The following TF variants were observed in gnomAD, a reference collection of about 807,000 sequenced individuals.
The protein encoded by TF is transferrin.
A neutral mutation model predicts 82.4 loss-of-function variants in TF; 55 were observed. The ratio of observed to expected loss-of-function variants is 0.67; its 90% confidence interval spans 0.54 to 0.84. TF has a LOEUF of 0.84. TF is among the 40% of genes least tolerant of loss of function. The pLI is 0.00. For missense variants in TF, 737 were observed against 868.4 expected, an observed-to-expected ratio of 0.85 and a Z score of 1.90; for synonymous variants, 332 against 332.6, an observed-to-expected ratio of 1.00 and a Z score of 0.02.
At chr3:133,694,867 TTTATTTATTTATTTATTTA>T in the TF span, among the ~76,000 whole-genome samples, 3 of 114,518 alleles carry the variant, frequency 2.6e-5, no homozygotes, top group South Asian at 3.0e-4. Context: ...TATTTATTTA[TTTATTTATTTATTTATTTA>T]TTATTATTAT....
At chr3:133,712,264 C>G in the TF span, among the ~76,000 whole-genome samples, 4 of 152,202 alleles carry the variant, frequency 2.6e-5, no homozygotes, top group African/African-American at 9.6e-5. Flanking sequence ...CCTCTCTAGA[C>G]TCTTCCTGGA....
At chr3:133,695,398 C>T in the TF span, among the ~76,000 whole-genome samples, 5 of 152,104 alleles carry the variant, frequency 3.3e-5, no homozygotes, top group Middle Eastern at 3.2e-3. Flanking sequence ...CAGGCACATG[C>T]CACTACACCC....
chr3:133,785,062 G>T lies in TF; in HGVS notation c.*6442G>T, dbSNP rs1288186858. 8.5e-6 allele frequency: 1 copy of T among 117,514 alleles called. No homozygotes were observed. The highest frequency in any genetic ancestry group is 1.8e-5 in the Non-Finnish European group (1 of 54,296). The allele number at this position is 117,514 out of a possible 1,614,324, so 7.3% of individuals were successfully genotyped here. On this transcript the variant is annotated 3_prime_UTR_variant, in exon 17 of 17. Coordinates refer to ENST00000402696, the MANE Select transcript of TF (RefSeq NM_001063.4). ...AGGTGAGGGGCGCCTCTGCCCGGCC[G>T]CCCCTACTGGGAAGTGAGGAGCCCC...
In TF at chr3:133,783,458, C is replaced by T. The variant is rs931954939; in HGVS notation, c.*4838C>T. 2.0e-5 allele frequency: 3 copies of T among 151,906 alleles called. No individual in the cohort carries two copies. The highest frequency in any genetic ancestry group is 2.9e-5 in the Non-Finnish European group (2 of 67,994). The allele number at this position is 151,906 out of a possible 1,614,324, so 9.4% of individuals were successfully genotyped here. ...CCGGTTAAAGTAAAAACTTTCGAAA[C>T]GTATAAAGGTTTAAATATAAAATTA... On this transcript the variant is annotated 3_prime_UTR_variant, in exon 17 of 17. Transcript: ENST00000402696.
At chr3:133,716,477 C>T in the TF span, among the ~76,000 whole-genome samples, 4 of 152,174 alleles carry the variant, frequency 2.6e-5, no homozygotes, top group Non-Finnish European at 5.9e-5. Flanking sequence ...TTCTCTCTCA[C>T]CCCATATCTC....
chr3:133,731,650 T>A, the TF span, among the ~76,000 whole-genome samples: 4 of 152,234 alleles, frequency 2.6e-5, no homozygotes, highest in African/African-American at 9.7e-5. Context: ...GTCATCACCA[T>A]CTATTGGTGT....
the TF span, among the ~76,000 whole-genome samples, chr3:133,731,905 G>A: frequency 1.3e-5 from 2 of 152,190 alleles, no homozygotes; most frequent in Admixed American, 6.5e-5. Context: ...CTCAGTGAAT[G>A]AATGGACAGG....
chr3:133,723,065 GT>G, the TF span, among the ~76,000 whole-genome samples: 1 of 151,176 alleles, frequency 6.6e-6, no homozygotes, highest in African/African-American at 2.4e-5. Context: ...TTGGTTGACA[GT>G]TTTTTTTTCC....
chr3:133,756,698 G>A (rs1227170049), intron 6 of TF, 133 bp from the exon 7 acceptor site: 25 of 1,129,650 alleles, frequency 2.2e-5, no homozygotes, highest in East Asian at 1.4e-4. Context: ...TCATTCTCCC[G>A]CATGTTCTCT....
intron 1 of TF, 85 bp from the exon 2 acceptor site, chr3:133,748,327 G>A (rs2107907260): frequency 6.5e-7 from 1 of 1,535,270 alleles, no homozygotes; most frequent in East Asian, 2.3e-5. Flanking sequence ...GAGGGGATGT[G>A]GCTGTCAAGG....
rs1933919122 is a variant in TF at position 133,759,232 on chromosome 3, A to G, written c.1106A>G (p.His369Arg). The G allele has an allele frequency of 6.2e-7, 1 of 1,614,116 alleles. No homozygotes were observed. Among genetic ancestry groups the G allele is most frequent in the East Asian group, 2.2e-5 (1 of 44,880 alleles). The stretch of plus-strand genomic sequence containing the variant: ...GTGAAGTGGTGTGCGCTGAGCCACC[A>G]CGAGAGGCTCAAGTGTGATGAGTGG... ...KPVKWCALSH[H>R]ERLKCDEWSV... The change falls in exon 9 of 17, where the codon CAC becomes CGC. Residue 369 changes from histidine (H) to arginine (R), a missense_variant. His to Arg is a conservative substitution (Grantham distance 29). Coordinates refer to ENST00000402696, the MANE Select transcript of TF (RefSeq NM_001063.4).
chr3:133,697,439 G>T, the TF span, among the ~76,000 whole-genome samples: 1 of 152,224 alleles, frequency 6.6e-6, no homozygotes, highest in African/African-American at 2.4e-5. Flanking sequence ...CACACTTAAT[G>T]ATAGTGGCAG....
At chr3:133,683,825 T>G in the TF span, among the ~76,000 whole-genome samples, 2 of 152,158 alleles carry the variant, frequency 1.3e-5, no homozygotes, top group African/African-American at 2.4e-5. Flanking sequence ...TATCCAGGAC[T>G]TGAACTCAGC....
At chr3:133,775,110 G>A in intron 14 of TF, 1 of 399,482 alleles carries the variant, frequency 2.5e-6, no homozygotes, top group Non-Finnish European at 4.7e-6. Flanking sequence ...CTCTGTTGGA[G>A]CAAGAGGTAC....
At chr3:133,732,605 C>T in the TF span, among the ~76,000 whole-genome samples, 6 of 152,306 alleles carry the variant, frequency 3.9e-5, no homozygotes, top group East Asian at 9.6e-4. Flanking sequence ...GTCCACACTA[C>T]CTTTATGAGC....
chr3:133,778,741 T>A lies in TF; in HGVS notation c.*121T>A. On this transcript the variant is annotated 3_prime_UTR_variant, in exon 17 of 17. Transcript: ENST00000402696. Reference sequence around the variant, plus strand: ...CCACGTCTGTCTTCACAGCTCTGTGTTGCCATGTGTGCTGAACAAAAAATA... The same window carrying A: ...CCACGTCTGTCTTCACAGCTCTGTGATGCCATGTGTGCTGAACAAAAAATA... 1.1e-6 allele frequency: 1 copy of A among 941,012 alleles called. No individual in the cohort carries two copies. Among genetic ancestry groups the A allele is most frequent in the Non-Finnish European group, 1.7e-6 (1 of 593,166 alleles). The allele number at this position is 941,012 out of a possible 1,614,324, so 58.3% of individuals were successfully genotyped here.
chr3:133,783,735 G>C lies in TF; in HGVS notation c.*5115G>C, dbSNP rs1332145867. The C allele has an allele frequency of 6.6e-6, 1 of 152,240 alleles. No homozygotes were observed. Among genetic ancestry groups the C allele is most frequent in the Non-Finnish European group, 1.5e-5 (1 of 68,048 alleles). The allele number at this position is 152,240 out of a possible 1,614,324, so 9.4% of individuals were successfully genotyped here. On this transcript the variant is annotated 3_prime_UTR_variant, in exon 17 of 17. Transcript: ENST00000402696. ...GATGTGAGCGCGGACAGCTCTGCTG[G>C]GCCCTCCAGGCCCTCCGCCCGGTAG... is the stretch of plus-strand genomic sequence containing the variant.
intron 14 of TF, chr3:133,774,258 A>C (rs1934330230): frequency 6.6e-6 from 1 of 152,208 alleles, no homozygotes; most frequent in African/African-American, 2.4e-5. Flanking sequence ...TGAACTAACT[A>C]TTCCACTTCT....
chr3:133,674,301 C>T, the TF span, among the ~76,000 whole-genome samples: 3 of 152,228 alleles, frequency 2.0e-5, no homozygotes, highest in African/African-American at 7.2e-5. Flanking sequence ...GGTTGTAAAG[C>T]GGCCAGACTA....
Sources: allele counts gnomAD v4.1 joint callset (sites outside exome capture counted in the v4.1 genomes callset), GRCh38; gene constraint gnomAD v4.1.1; transcripts MANE v1.5; gene names NCBI Gene and HGNC (gene_info 2026-07-23, HGNC 2026-07-21).